PTPRD: variants seen among roughly 807,000 people sequenced by gnomAD.
PTPRD encodes the protein receptor-type tyrosine-protein phosphatase delta.
A neutral mutation model predicts 214.5 loss-of-function variants in PTPRD; 34 were observed. The ratio of observed to expected loss-of-function variants is 0.16; its 90% CI spans 0.12 to 0.21. PTPRD has a LOEUF of 0.21. PTPRD is among the 10% of genes least tolerant of loss of function. The pLI is 1.00. For missense variants in PTPRD, 2,545 were observed against 2,398.7 expected (o/e 1.06, Z -1.27); for synonymous variants, 1,128 against 845.7 (o/e 1.33, Z -5.79).
intron 14 of PTPRD, among the ~76,000 whole-genome samples, chr9:8,600,862 C>T (rs1384824889): frequency 6.6e-6 from 1 of 151,918 alleles, no homozygotes; most frequent in East Asian, 1.9e-4. Flanking sequence ...GGAGAAACTG[C>T]TTCTGCTTGA....
chr9:9,175,494 G>A (rs1023645164), intron 10 of PTPRD, among the ~76,000 whole-genome samples: 2 of 151,500 alleles, frequency 1.3e-5, no homozygotes, highest in Non-Finnish European at 2.9e-5. Context: ...ATGATGGTGG[G>A]TGCCTGTAAT....
In PTPRD at chr9:9,108,450, A is replaced by T. The variant is rs1348946278; in HGVS notation, c.-143+74854T>A. On this transcript the variant is annotated intron_variant, in intron 10 of 45. Coordinates refer to ENST00000381196, the MANE Select transcript of PTPRD (RefSeq NM_002839.4). The stretch of plus-strand genomic sequence containing the variant: ...CAATCCATGGTAACAAATTTACTAA[A>T]CAAATTTATACAACAAATTCTTTCT... 2.6e-5 allele frequency among the ~76,000 whole-genome samples: 4 copies of T among 152,174 alleles called. No homozygotes were observed. The East Asian group carries it at 5.8e-4, about 22-fold the overall frequency.
At chr9:9,601,155 G>A (rs963846691) in intron 7 of PTPRD, among the ~76,000 whole-genome samples, 6 of 121,960 alleles carry the variant, frequency 4.9e-5, no homozygotes, top group East Asian at 2.0e-4. Context: ...GTGTGTATGG[G>A]GGGGGGAGAG....
intron 4 of PTPRD, among the ~76,000 whole-genome samples, chr9:9,970,010 T>C (rs537092719): frequency 6.6e-6 from 1 of 152,026 alleles, no homozygotes; most frequent in South Asian, 2.1e-4. Flanking sequence ...TCAGTAGACA[T>C]TAGAGAAAAA....
intron 11 of PTPRD, among the ~76,000 whole-genome samples, chr9:8,963,880 C>T (rs1025131451): frequency 1.3e-5 from 2 of 152,108 alleles, no homozygotes; most frequent in African/African-American, 4.8e-5. Flanking sequence ...TTCCAAAGTG[C>T]TAGGATTACA....
chr9:9,532,288 A>C (rs75774684), intron 8 of PTPRD, among the ~76,000 whole-genome samples: 2,428 of 152,224 alleles, frequency 0.016, 39 homozygotes, highest in Admixed American at 0.025. Flanking sequence ...CTGTACACTT[A>C]AAACATTCAG....
In PTPRD at chr9:10,440,443, A is replaced by G. The variant is rs1465017962; in HGVS notation, c.-599-99426T>C. Reference sequence around the variant, plus strand: ...CACTCCATAGAAATATTTTAAGAACAGCTGGAAACTTCCTGGTAATTCATA... The same window carrying G: ...CACTCCATAGAAATATTTTAAGAACGGCTGGAAACTTCCTGGTAATTCATA... On this transcript the variant is annotated intron_variant, in intron 2 of 45. Transcript: ENST00000381196. Among the ~76,000 whole-genome samples, 4 of 151,810 alleles carry G rather than the reference A, an allele frequency of 2.6e-5. No individual in the cohort carries two copies. The South Asian group carries it at 6.2e-4, about 24-fold the overall frequency.
At chr9:10,579,527 C>A (rs2070895751) in intron 2 of PTPRD, among the ~76,000 whole-genome samples, 1 of 152,110 alleles carries the variant, frequency 6.6e-6, no homozygotes, top group African/African-American at 2.4e-5. Context: ...TGATGGGCAC[C>A]TAGGTTGGTT....
intron 8 of PTPRD, among the ~76,000 whole-genome samples, chr9:9,486,786 T>C (rs2095656400): frequency 6.6e-6 from 1 of 152,164 alleles, no homozygotes; most frequent in African/African-American, 2.4e-5. Context: ...TGAAATGTAG[T>C]ATTTCCCCTA....
chr9:10,502,405 ATGT>A (rs1405087840), intron 2 of PTPRD, among the ~76,000 whole-genome samples: 3 of 152,006 alleles, frequency 2.0e-5, no homozygotes, highest in Non-Finnish European at 2.9e-5. Context: ...TCACATAAAT[ATGT>A]TATTATAATT....
chr9:9,195,610 T>G (rs73641255), intron 9 of PTPRD, among the ~76,000 whole-genome samples: 2,301 of 152,172 alleles, frequency 0.015, 51 homozygotes, highest in African/African-American at 0.054. Flanking sequence ...TCACACAACT[T>G]GAAACCTTTC....
At chr9:9,498,019 AAC>A (rs2154218539) in intron 8 of PTPRD, among the ~76,000 whole-genome samples, 1 of 152,226 alleles carries the variant, frequency 6.6e-6, no homozygotes, top group East Asian at 1.9e-4. Context: ...TGCCTGAGAT[AAC>A]AGTTCCCAGT....
intron 12 of PTPRD, chr9:8,713,490 G>C: frequency 2.6e-6 from 3 of 1,136,546 alleles, no homozygotes; most frequent in Non-Finnish European, 4.0e-6. Flanking sequence ...CTTCAGGGGA[G>C]ACTGTCTACT....
chr9:9,187,813 G>A (rs2131678513), intron 9 of PTPRD, among the ~76,000 whole-genome samples: 1 of 151,884 alleles, frequency 6.6e-6, no homozygotes, highest in African/African-American at 2.4e-5. Flanking sequence ...TATGTTGTGT[G>A]TGTGTTTGTG....
intron 10 of PTPRD, among the ~76,000 whole-genome samples, chr9:9,180,555 AC>A (rs1474454072): frequency 6.6e-6 from 1 of 151,858 alleles, no homozygotes; most frequent in Non-Finnish European, 1.5e-5. Flanking sequence ...TATGTAACAA[AC>A]CTGCACGTTG....
At chr9:9,987,046 T>C (rs879926215) in intron 4 of PTPRD, among the ~76,000 whole-genome samples, 6 of 151,980 alleles carry the variant, frequency 3.9e-5, no homozygotes, top group Non-Finnish European at 8.8e-5. Flanking sequence ...AGAGAGAAGA[T>C]GAAAAAAGGG....
In PTPRD at chr9:8,525,888, A is replaced by G. The variant is rs2073976748; in HGVS notation, c.568+739T>C. 2.0e-5 allele frequency among the ~76,000 whole-genome samples: 3 copies of G among 152,138 alleles called. No homozygotes were observed. In the South Asian group the frequency reaches 6.2e-4, roughly 31 times the overall value. The stretch of plus-strand genomic sequence containing the variant: ...CTGAGTCGAAGTATGAAAAACCAGC[A>G]ATACCACATACCACCAAGAATACTG... On this transcript the variant is annotated intron_variant, in intron 17 of 45. Coordinates refer to ENST00000381196, the MANE Select transcript of PTPRD (RefSeq NM_002839.4).
chr9:9,301,155 T>C (rs1030181279), intron 9 of PTPRD, among the ~76,000 whole-genome samples: 1 of 151,844 alleles, frequency 6.6e-6, no homozygotes, highest in East Asian at 1.9e-4. Context: ...ATCTTTAATC[T>C]CCTCAGATGA....
At chr9:9,257,312 T>A (rs910585140) in intron 9 of PTPRD, among the ~76,000 whole-genome samples, 4 of 151,942 alleles carry the variant, frequency 2.6e-5, no homozygotes, top group African/African-American at 9.7e-5. Flanking sequence ...TGTATTTACA[T>A]TTTCCATATT....
Sources: gnomAD v4.1 joint callset for allele counts (sites outside exome capture counted in the v4.1 genomes callset) on GRCh38, gnomAD v4.1.1 for gene constraint, MANE v1.5 for transcripts, NCBI Gene and HGNC (gene_info 2026-07-23, HGNC 2026-07-21) for gene names.